FBXO28: variants seen among roughly 807,000 people sequenced by gnomAD.
The protein encoded by FBXO28 is F-box only protein 28.
FBXO28 carries 8 observed loss-of-function variants against 38.1 expected under a neutral mutation model. The ratio of observed to expected loss-of-function variants is 0.21; its 90% CI spans 0.12 to 0.38. FBXO28 has a LOEUF of 0.38. FBXO28 is among the 10% of genes least tolerant of loss of function. The pLI is 1.00. For synonymous variants in FBXO28, 168 were observed against 173.8 expected (o/e 0.97, Z 0.26); for missense variants, 345 against 460.6 (o/e 0.75, Z 2.30).
intron 1 of FBXO28, among the ~76,000 whole-genome samples, chr1:224,116,062 A>C (rs924971320): frequency 6.6e-6 from 1 of 152,216 alleles, no homozygotes; most frequent in African/African-American, 2.4e-5. Context: ...TAAGGTTATA[A>C]ATTTATAATT....
chr1:224,144,313 T>C (rs1258958201), intron 3 of FBXO28, among the ~76,000 whole-genome samples: 2 of 150,824 alleles, frequency 1.3e-5, no homozygotes, highest in African/African-American at 2.4e-5. Context: ...AAAAAAAAAA[T>C]TGCCAGGCAT....
At position 224,155,579 on chromosome 1, in the gene FBXO28, C is replaced by T. The variant is rs577009386; in HGVS notation, c.713-1773C>T. Among the ~76,000 whole-genome samples the T allele has an allele frequency of 2.0e-5, 3 of 152,302 alleles. No homozygotes were observed. In the East Asian group the frequency reaches 5.8e-4, roughly 29 times the overall value. The stretch of plus-strand genomic sequence containing the variant: ...TCCTAGAGATTTGTGCCTTTATCTA[C>T]TGAAAGACTAAATTATTTAATGTCC... On this transcript the variant is annotated intron_variant, in intron 4 of 4. Transcript: ENST00000366862.
At chr1:224,127,011 A>T (rs925284827) in intron 1 of FBXO28, among the ~76,000 whole-genome samples, 13 of 151,732 alleles carry the variant, frequency 8.6e-5, no homozygotes, top group African/African-American at 3.1e-4. Context: ...CTTCAATAAC[A>T]TAAAAGTTTT....
intron 3 of FBXO28, among the ~76,000 whole-genome samples, chr1:224,149,274 CTT>C (rs33992744): frequency 0.41 from 53,570 of 130,124 alleles, 9,827 homozygotes; most frequent in East Asian, 0.57. Flanking sequence ...ACCATATAAT[CTT>C]TTTTTTTTTT....
chr1:224,116,340 T>G (rs1656642701), intron 1 of FBXO28, among the ~76,000 whole-genome samples: 1 of 152,172 alleles, frequency 6.6e-6, no homozygotes, highest in African/African-American at 2.4e-5. Context: ...ATTAATTTAA[T>G]TATGATCTTT....
chr1:224,126,083 C>T (rs1279088708), intron 1 of FBXO28, among the ~76,000 whole-genome samples: 1 of 152,198 alleles, frequency 6.6e-6, no homozygotes, highest in African/African-American at 2.4e-5. Context: ...TTTGCATACA[C>T]CATTACATCT....
At chr1:224,114,803 C>T (rs1386415353) in intron 1 of FBXO28, among the ~76,000 whole-genome samples, 1 of 152,228 alleles carries the variant, frequency 6.6e-6, no homozygotes, top group Non-Finnish European at 1.5e-5. Context: ...CAGAAGTAGG[C>T]AGATGATCCC....
chr1:224,155,031 A>AT (rs1203349400), intron 4 of FBXO28, among the ~76,000 whole-genome samples: 1 of 151,732 alleles, frequency 6.6e-6, no homozygotes, highest in East Asian at 1.9e-4. Flanking sequence ...GACCATCTGT[A>AT]TTTTTTTATG....
intron 1 of FBXO28, among the ~76,000 whole-genome samples, chr1:224,127,214 G>A (rs1433955797): frequency 6.7e-6 from 1 of 149,556 alleles, no homozygotes; most frequent in Non-Finnish European, 1.5e-5. Context: ...GTGTGTTTAT[G>A]TTTGGCACGC....
chr1:224,114,782 G>T (rs1656607838), intron 1 of FBXO28, among the ~76,000 whole-genome samples: 1 of 152,200 alleles, frequency 6.6e-6, no homozygotes, highest in African/African-American at 2.4e-5. Flanking sequence ...CCTGGGTTTG[G>T]GGAGAAAACT....
Position 224,158,375 on chromosome 1 carries a change from G to A in FBXO28, c.*629G>A, listed in dbSNP as rs578173308. ...TACCCAGCTGTTATACATGTTTTCA[G>A]TTCTCTTTGGGGGCCATGTCCTACA... is the stretch of plus-strand genomic sequence containing the variant. On this transcript the variant is annotated 3_prime_UTR_variant, in exon 5 of 5. Transcript: ENST00000366862. The A allele has an allele frequency of 1.4e-4, 40 of 280,900 alleles. No individual in the cohort carries two copies. Among genetic ancestry groups the A allele is most frequent in the African/African-American group, 8.9e-4 (39 of 43,852 alleles). The allele number at this position is 280,900 out of a possible 1,614,324, so 17.4% of individuals were successfully genotyped here. A position where few individuals can be genotyped will look rare whatever the true frequency, so the allele number is the denominator to read the frequency against.
chr1:224,131,863 A>G (rs1347079324), intron 2 of FBXO28, among the ~76,000 whole-genome samples: 4 of 152,332 alleles, frequency 2.6e-5, no homozygotes, highest in African/African-American at 9.6e-5. Context: ...TAAGAAAATG[A>G]AAAGACACCC....
At chr1:224,123,509 G>A (rs1656828626) in intron 1 of FBXO28, among the ~76,000 whole-genome samples, 1 of 151,026 alleles carries the variant, frequency 6.6e-6, no homozygotes, top group African/African-American at 2.4e-5. Context: ...AGATATAAGG[G>A]TCTCATATTT....
At chr1:224,142,632 A>G (rs1432020405) in intron 3 of FBXO28, among the ~76,000 whole-genome samples, 1 of 151,928 alleles carries the variant, frequency 6.6e-6, no homozygotes, top group Non-Finnish European at 1.5e-5. Context: ...CCTGGCCAAC[A>G]TGGTGAAGCC....
intron 3 of FBXO28, among the ~76,000 whole-genome samples, chr1:224,134,659 T>A (rs1657133484): frequency 1.3e-5 from 2 of 152,214 alleles, no homozygotes; most frequent in African/African-American, 4.8e-5. Flanking sequence ...AATAAACAAT[T>A]GCTATTTACC....
intron 2 of FBXO28, among the ~76,000 whole-genome samples, chr1:224,133,573 A>C (rs1657105090): frequency 1.3e-5 from 2 of 152,084 alleles, no homozygotes; most frequent in Admixed American, 1.3e-4. Context: ...CTGGAGTGCA[A>C]GTGGTGCAGT....
chr1:224,127,206 GTGTTTA>G (rs1321784448), intron 1 of FBXO28, among the ~76,000 whole-genome samples: 3 of 149,930 alleles, frequency 2.0e-5, no homozygotes, highest in African/African-American at 4.9e-5. Flanking sequence ...GTGTGTGTGT[GTGTTTA>G]TGTTTGGCAC....
intron 1 of FBXO28, among the ~76,000 whole-genome samples, chr1:224,128,332 A>T (rs1249355796): frequency 6.6e-6 from 1 of 151,718 alleles, no homozygotes; most frequent in African/African-American, 2.4e-5. Flanking sequence ...CAGGTTGATG[A>T]CTCAGTTGCT....
rs955114232 is a variant in FBXO28 at position 224,114,482 on chromosome 1, GC to G, written c.267+92del. ...AGGGAGCGCGTTCCCCGGGAAGGGA[GC>G]CCCCCGCGAGCCCCAGCCGGCTACA... On this transcript the variant is annotated intron_variant, in intron 1 of 4. Coordinates refer to ENST00000366862, the MANE Select transcript of FBXO28 (RefSeq NM_015176.4). 657 of 1,200,190 alleles carry G rather than the reference GC, an allele frequency of 5.5e-4. 7 individuals are homozygous for G. Among genetic ancestry groups the G allele is most frequent in the South Asian group, 4.8e-3 (304 of 62,858 alleles). 74.3% of individuals were successfully genotyped at this position (1,200,190 alleles called of 1,614,324 possible). A position where few individuals can be genotyped will look rare whatever the true frequency, so the allele number is the denominator to read the frequency against.
Sources: allele counts gnomAD v4.1 joint callset (sites outside exome capture counted in the v4.1 genomes callset), GRCh38; gene constraint gnomAD v4.1.1; transcripts MANE v1.5; gene names NCBI Gene and HGNC (gene_info 2026-07-23, HGNC 2026-07-21).